The following TLL1 variants were observed in gnomAD, a reference collection of about 807,000 sequenced individuals.
TLL1 encodes tolloid-like protein 1.
In TLL1, 49 loss-of-function variants were observed where a neutral mutation model predicts 128.2. The observed-to-expected ratio is 0.38, with a 90% CI of 0.30 to 0.48. TLL1 has a LOEUF of 0.48. TLL1 is among the 20% of genes least tolerant of loss of function. The pLI is 0.96. For synonymous variants in TLL1, 454 were observed against 418.8 expected (o/e 1.08, Z -1.03); for missense variants, 1,123 against 1,242.0 (o/e 0.90, Z 1.44).
intron 18 of TLL1, among the ~76,000 whole-genome samples, chr4:166,089,772 T>G (rs918211918): frequency 1.3e-5 from 2 of 152,156 alleles, no homozygotes; most frequent in African/African-American, 4.8e-5. Context: ...GTTATAATTT[T>G]TTTTATTTCT....
intron 18 of TLL1, 77 bp from the exon 19 acceptor site, chr4:166,091,051 T>C: frequency 8.2e-7 from 1 of 1,222,486 alleles, no homozygotes; most frequent in Non-Finnish European, 1.2e-6. Context: ...TATTGATATG[T>C]ATTTCTGTCC....
chr4:165,961,851 A>G (rs893703160), intron 1 of TLL1, among the ~76,000 whole-genome samples: 1 of 151,970 alleles, frequency 6.6e-6, no homozygotes, highest in Admixed American at 6.6e-5. Flanking sequence ...GTGTAAACAC[A>G]ATTTAAAAAT....
chr4:166,081,023 C>T (rs575890638), intron 18 of TLL1, among the ~76,000 whole-genome samples: 9 of 152,056 alleles, frequency 5.9e-5, no homozygotes, highest in Admixed American at 2.0e-4. Context: ...CCTGCATGTT[C>T]AGGTCTTGGT....
At chr4:166,093,444 CA>C (rs943914280) in intron 19 of TLL1, among the ~76,000 whole-genome samples, 22 of 152,282 alleles carry the variant, frequency 1.4e-4, no homozygotes, top group African/African-American at 5.1e-4. Context: ...TAAAGAATAA[CA>C]AAGCAGCATT....
At chr4:165,923,678 G>A (rs180792650) in intron 1 of TLL1, among the ~76,000 whole-genome samples, 13 of 151,918 alleles carry the variant, frequency 8.6e-5, no homozygotes, top group Admixed American at 1.3e-4. Context: ...CTTGTGATCC[G>A]CCAGCCTTGG....
chr4:165,986,950 G>A (rs1736419055), intron 1 of TLL1, among the ~76,000 whole-genome samples: 1 of 152,074 alleles, frequency 6.6e-6, no homozygotes, highest in Non-Finnish European at 1.5e-5. Flanking sequence ...AAAGAAGAGT[G>A]GGAATTTATT....
rs142408260 is a variant in TLL1 at position 166,099,259 on chromosome 4, T to C, written c.2657-18T>C. On this transcript the variant is annotated intron_variant, in intron 19 of 20. Transcript: ENST00000061240. ...AAGCTCATTGACCTTACTCATCTTA[T>C]TTTTCTTTCCTGGGCAGAGTGTGGC... 2.4e-5 allele frequency: 39 copies of C among 1,613,398 alleles called. No homozygotes were observed. The highest frequency in any genetic ancestry group is 3.1e-5 in the Non-Finnish European group (36 of 1,179,538).
intron 8 of TLL1, among the ~76,000 whole-genome samples, chr4:166,019,873 A>G (rs185153022): frequency 6.6e-6 from 1 of 152,324 alleles, no homozygotes; most frequent in East Asian, 1.9e-4. Flanking sequence ...AATATAAATT[A>G]GGTTGGTATA....
At position 166,104,273 on chromosome 4, in the gene TLL1, T is replaced by C. The variant is rs1742417318; in HGVS notation, c.*3397T>C. Among the ~76,000 whole-genome samples the C allele has an allele frequency of 6.6e-6, 1 of 151,942 alleles. No individual in the cohort carries two copies. The highest frequency in any genetic ancestry group is 2.1e-4 in the South Asian group (1 of 4,830). Reference sequence around the variant, plus strand: ...TAAAAGAAACATTAAATTATATCTTTATGTAGATTTAGAAGGACTGCAACC... The same window carrying C: ...TAAAAGAAACATTAAATTATATCTTCATGTAGATTTAGAAGGACTGCAACC... On this transcript the variant is annotated 3_prime_UTR_variant, in exon 21 of 21. Coordinates refer to ENST00000061240, the MANE Select transcript of TLL1 (RefSeq NM_012464.5).
At chr4:166,029,062 T>C (rs1345367227) in intron 9 of TLL1, among the ~76,000 whole-genome samples, 1 of 152,022 alleles carries the variant, frequency 6.6e-6, no homozygotes, top group Admixed American at 6.6e-5. Flanking sequence ...ATTGCAGTTC[T>C]ATTTATTGTG....
chr4:166,038,816 A>G (rs931909731), intron 9 of TLL1, among the ~76,000 whole-genome samples: 2 of 152,196 alleles, frequency 1.3e-5, no homozygotes, highest in Non-Finnish European at 1.5e-5. Context: ...TTCTAATTCT[A>G]GGACTGTATT....
intron 1 of TLL1, among the ~76,000 whole-genome samples, chr4:165,943,067 T>G (rs1413306480): frequency 6.6e-6 from 1 of 152,140 alleles, no homozygotes; most frequent in Non-Finnish European, 1.5e-5. Flanking sequence ...AACATTTGTC[T>G]AGGTACGTTA....
intron 1 of TLL1, among the ~76,000 whole-genome samples, chr4:165,980,140 G>C (rs188312825): frequency 3.9e-5 from 6 of 151,986 alleles, no homozygotes; most frequent in African/African-American, 1.5e-4. Context: ...TTCCGAGCAT[G>C]GTTTTTCTTC....
chr4:165,937,784 A>G (rs1487089006), intron 1 of TLL1, among the ~76,000 whole-genome samples: 1 of 152,000 alleles, frequency 6.6e-6, no homozygotes, highest in Non-Finnish European at 1.5e-5. Flanking sequence ...TACTTGGTAT[A>G]AAATCTTTGA....
intron 9 of TLL1, among the ~76,000 whole-genome samples, chr4:166,026,912 A>G (rs1738524372): frequency 1.3e-5 from 2 of 152,242 alleles, no homozygotes; most frequent in Non-Finnish European, 2.9e-5. Flanking sequence ...GCAAATTTCT[A>G]TAAAATGTTA....
intron 1 of TLL1, among the ~76,000 whole-genome samples, chr4:165,884,661 C>A (rs1337322870): frequency 6.6e-6 from 1 of 152,138 alleles, no homozygotes; most frequent in African/African-American, 2.4e-5. Context: ...CATGGGGAAA[C>A]CCCATCTCTA....
intron 1 of TLL1, among the ~76,000 whole-genome samples, chr4:165,901,350 T>C (rs867091835): frequency 4.6e-5 from 7 of 152,342 alleles, no homozygotes; most frequent in Admixed American, 6.5e-5. Flanking sequence ...TCAACCTTTT[T>C]GCACTGGTTT....
At chr4:166,024,405 C>T (rs79650564) in intron 8 of TLL1, among the ~76,000 whole-genome samples, 25,773 of 152,066 alleles carry the variant, frequency 0.17, 2,708 homozygotes, top group East Asian at 0.31. Flanking sequence ...ATTGCAGTGT[C>T]CTTCAGAGGG....
intron 8 of TLL1, among the ~76,000 whole-genome samples, chr4:166,021,546 C>T (rs904992989): frequency 4.0e-5 from 6 of 151,276 alleles, no homozygotes; most frequent in African/African-American, 1.5e-4. Flanking sequence ...AATTCTCCTG[C>T]CTCAGCCTCC....
Sources: allele counts gnomAD v4.1 joint callset (sites outside exome capture counted in the v4.1 genomes callset), GRCh38; gene constraint gnomAD v4.1.1; transcripts MANE v1.5; gene names NCBI Gene and HGNC (gene_info 2026-07-23, HGNC 2026-07-21).